Variants in BLK observed in about 807,000 individuals in gnomAD.
BLK encodes tyrosine-protein kinase Blk.
Under a neutral mutation model 61.8 loss-of-function variants are expected in BLK, and 64 were observed. The ratio of observed to expected loss-of-function variants is 1.03; its 90% CI spans 0.85 to 1.27. The LOEUF is 1.27. BLK is among the 50% of genes most tolerant of loss of function. BLK has a pLI of 0.00. For synonymous variants in BLK, 351 were observed against 272.0 expected (o/e 1.29, Z -2.86); for missense variants, 853 against 660.5 (o/e 1.29, Z -3.19).
intron 7 of BLK, among the ~76,000 whole-genome samples, 178 bp from the exon 8 acceptor site, chr8:11,555,154 G>T (rs1801137921): frequency 6.6e-6 from 1 of 152,166 alleles, no homozygotes; most frequent in Non-Finnish European, 1.5e-5. Context: ...AGCATGCCCT[G>T]CTTTGCGCAA....
chr8:11,506,804 G>A (rs1798784966), intron 1 of BLK, among the ~76,000 whole-genome samples: 1 of 152,194 alleles, frequency 6.6e-6, no homozygotes, highest in African/African-American at 2.4e-5. Context: ...CAGGTTGAGG[G>A]ATGCATCCTC....
At chr8:11,528,782 G>GTAAAA in intron 1 of BLK, among the ~76,000 whole-genome samples, 1 of 152,290 alleles carries the variant, frequency 6.6e-6, no homozygotes, top group East Asian at 1.9e-4. Context: ...AAAAAGGAAC[G>GTAAAA]AGATTATGTC....
intron 6 of BLK, chr8:11,552,815 A>C (rs1213687626): frequency 6.6e-6 from 1 of 152,276 alleles, no homozygotes; most frequent in East Asian, 1.9e-4. Flanking sequence ...CACCCCAGGA[A>C]GCCAGTCCAA....
chr8:11,560,757 C>A (rs947529958), intron 10 of BLK: 3 of 426,752 alleles, frequency 7.0e-6, no homozygotes, highest in Non-Finnish European at 9.7e-6. Context: ...ACAAATCAAC[C>A]TCGTCTAATG....
chr8:11,497,499 G>A (rs1798403270), intron 1 of BLK, among the ~76,000 whole-genome samples: 2 of 152,148 alleles, frequency 1.3e-5, no homozygotes, highest in Non-Finnish European at 2.9e-5. Flanking sequence ...CAGGGCTCTG[G>A]TTTGCAGGCC....
At chr8:11,513,122 C>T (rs1799083790) in intron 1 of BLK, among the ~76,000 whole-genome samples, 1 of 152,096 alleles carries the variant, frequency 6.6e-6, no homozygotes, top group African/African-American at 2.4e-5. Flanking sequence ...CTACGAGATC[C>T]CTACTGTCCA....
chr8:11,511,059 A>G (rs898912288), intron 1 of BLK, among the ~76,000 whole-genome samples: 1 of 152,238 alleles, frequency 6.6e-6, no homozygotes, highest in Non-Finnish European at 1.5e-5. Context: ...CTTTCCTGCT[A>G]CAAACACTCA....
intron 6 of BLK, chr8:11,552,513 G>C (rs1331225252): frequency 6.6e-6 from 1 of 152,158 alleles, no homozygotes; most frequent in Non-Finnish European, 1.5e-5. Context: ...TTTTATTGTT[G>C]TTCCAGGACA....
Position 11,559,015 on chromosome 8 carries a change from C to T in BLK, c.1029+977C>T, listed in dbSNP as rs139117195. ...GTTTTGGAAAATGAGTGCTGGTAACCGGCTTCAAACCCCAGGGCAGTGATA... is the reference window on the plus strand; with the variant it reads ...GTTTTGGAAAATGAGTGCTGGTAACTGGCTTCAAACCCCAGGGCAGTGATA... On this transcript the variant is annotated intron_variant, in intron 10 of 12. Coordinates refer to ENST00000259089, the MANE Select transcript of BLK (RefSeq NM_001715.3). The T allele has an allele frequency of 1.6e-3, 738 of 456,282 alleles. 6 individuals carry two copies. The highest frequency in any genetic ancestry group is 3.1e-3 in the South Asian group (203 of 64,570). The allele number at this position is 456,282 out of a possible 1,614,324, so 28.3% of individuals were successfully genotyped here.
chr8:11,540,789 A>G (rs1800338944), intron 1 of BLK, among the ~76,000 whole-genome samples: 1 of 152,044 alleles, frequency 6.6e-6, no homozygotes, highest in South Asian at 2.1e-4. Flanking sequence ...AGATGGCTTC[A>G]CAACTGAGTT....
intron 6 of BLK, among the ~76,000 whole-genome samples, chr8:11,551,018 C>A (rs975971502): frequency 2.0e-5 from 3 of 152,126 alleles, no homozygotes; most frequent in Non-Finnish European, 2.9e-5. Flanking sequence ...CTGATTCAAC[C>A]CCCACCCTCA....
intron 1 of BLK, among the ~76,000 whole-genome samples, chr8:11,504,367 G>GGAAGGAAGGAAGAAAAGAAAAGA (rs1554540059): frequency 6.4e-4 from 25 of 39,360 alleles, no homozygotes; most frequent in Non-Finnish European, 1.3e-3. Flanking sequence ...AAGGAAGGAA[G>GGAAGGAAGGAAGAAAAGAAAAGA]AAAGAAAAGA....
chr8:11,499,320 A>G (rs1379673176), intron 1 of BLK, among the ~76,000 whole-genome samples: 1 of 152,214 alleles, frequency 6.6e-6, no homozygotes, highest in African/African-American at 2.4e-5. Context: ...TTTGTATACG[A>G]TGTTCGCAGA....
chr8:11,555,255 TA>T (rs1359190892), intron 7 of BLK, 76 bp from the exon 8 acceptor site: 11 of 1,600,194 alleles, frequency 6.9e-6, no homozygotes, highest in Non-Finnish European at 9.4e-6. Flanking sequence ...GAGGGCCAGC[TA>T]GGAATGATAC....
chr8:11,558,129 C>A, intron 10 of BLK, 91 bp downstream of exon 10: 1 of 1,321,136 alleles, frequency 7.6e-7, no homozygotes, highest in Non-Finnish European at 1.1e-6. Context: ...ATCCTCTCAG[C>A]CAGCAGGAGA....
At chr8:11,525,048 A>C (rs540822395) in intron 1 of BLK, among the ~76,000 whole-genome samples, 1 of 152,198 alleles carries the variant, frequency 6.6e-6, no homozygotes, top group East Asian at 1.9e-4. Context: ...AAGCAAATTG[A>C]TGGTGTGAAG....
At chr8:11,514,432 G>A (rs1237645813) in intron 1 of BLK, among the ~76,000 whole-genome samples, 2 of 152,194 alleles carry the variant, frequency 1.3e-5, no homozygotes, top group African/African-American at 4.8e-5. Flanking sequence ...TGGCCTCCCC[G>A]AGGGATCTGA....
At chr8:11,501,521 G>A (rs972798066) in intron 1 of BLK, among the ~76,000 whole-genome samples, 3 of 152,092 alleles carry the variant, frequency 2.0e-5, no homozygotes, top group South Asian at 2.1e-4. Context: ...CCTGGTAAAC[G>A]TTTAACAACC....
intron 3 of BLK, among the ~76,000 whole-genome samples, chr8:11,546,759 A>G (rs552051700): frequency 6.6e-6 from 1 of 152,306 alleles, no homozygotes; most frequent in South Asian, 2.1e-4. Context: ...TGTTTTTACT[A>G]GTGAGGGGGT....
Sources: gnomAD v4.1 joint callset for allele counts (sites outside exome capture counted in the v4.1 genomes callset) on GRCh38, gnomAD v4.1.1 for gene constraint, MANE v1.5 for transcripts, NCBI Gene and HGNC (gene_info 2026-07-23, HGNC 2026-07-21) for gene names.